MYO7A: variants seen among roughly 807,000 people sequenced by gnomAD.
MYO7A encodes myosin VIIA.
In MYO7A, 210 loss-of-function variants were observed where a neutral mutation model predicts 263.8. That is an observed-to-expected ratio of 0.80 (90% confidence interval 0.71 to 0.89). The LOEUF (loss-of-function observed/expected upper bound fraction) is 0.89. Ranked by LOEUF, MYO7A falls within the 40% of genes least tolerant of loss-of-function variation. The probability of loss-of-function intolerance (pLI) is 0.00; values close to 1 mark genes in which losing one functional copy is unlikely to be tolerated. For missense variants in MYO7A, 2,820 were observed against 2,968.3 expected (o/e 0.95, Z 1.16); for synonymous variants, 1,239 against 1,197.3 (o/e 1.03, Z -0.72).
chr11:77,172,683 G>A, intron 15 of MYO7A, 65 bp from the exon 16 acceptor site: 1 of 1,541,178 alleles, frequency 6.5e-7, no homozygotes, highest in Non-Finnish European at 8.7e-7. Flanking sequence ...TTCCTACTGG[G>A]CGGCTCCTGG....
rs1322697541 is a variant in MYO7A at position 77,196,793 on chromosome 11, G to A, written c.4324-688G>A. ...TACACATCCACCCTTACCTATGCCT[G>A]TGTCTACATTCTATAAAAACCAGGA... On this transcript the variant is annotated intron_variant, in intron 32 of 48. Coordinates refer to ENST00000409709, the MANE Select transcript of MYO7A (RefSeq NM_000260.4). Among the ~76,000 whole-genome samples, 3 of 152,130 alleles carry A rather than the reference G, an allele frequency of 2.0e-5. No individual in the cohort carries two copies. The East Asian group carries it at 5.8e-4, about 29-fold the overall frequency.
intron 44 of MYO7A, among the ~76,000 whole-genome samples, chr11:77,210,708 G>A (rs549899292): frequency 2.0e-5 from 3 of 152,248 alleles, no homozygotes; most frequent in East Asian, 1.9e-4. Context: ...GGGGGTGGGA[G>A]GGCCTCTGCT....
intron 46 of MYO7A, 160 bp from the exon 47 acceptor site, chr11:77,212,792 C>A: frequency 1.5e-6 from 1 of 658,908 alleles, no homozygotes. Flanking sequence ...ACTGAGGGCC[C>A]AGCGGAGGTG....
chr11:77,196,360 CCTT>C lies in MYO7A; in HGVS notation c.4324-1118_4324-1116del, dbSNP rs746085225. Among the ~76,000 whole-genome samples, 472 of 115,460 alleles carry C rather than the reference CCTT, an allele frequency of 4.1e-3. 2 individuals carry two copies. Among genetic ancestry groups the C allele is most frequent in the Admixed American group, 7.0e-3 (75 of 10,776 alleles). The allele number at this position is 115,460 out of a possible 152,430, so 75.7% of individuals were successfully genotyped here. A position where few individuals can be genotyped will look rare whatever the true frequency, so the allele number is the denominator to read the frequency against. ...CAGCCTGGGGGACAAGAGCAAGACT[CCTT>C]CTCAAAAAAAAAAAAAAGGAGCTTA... On this transcript the variant is annotated intron_variant, in intron 32 of 48. Coordinates refer to ENST00000409709, the MANE Select transcript of MYO7A (RefSeq NM_000260.4).
intron 44 of MYO7A, among the ~76,000 whole-genome samples, chr11:77,210,433 T>C (rs1210992624): frequency 4.6e-5 from 7 of 152,008 alleles, no homozygotes; most frequent in Admixed American, 2.6e-4. Context: ...GATGGACAGA[T>C]AGGGAGATGG....
At chr11:77,133,394 G>T (rs1432021836) in intron 2 of MYO7A, among the ~76,000 whole-genome samples, 3 of 152,208 alleles carry the variant, frequency 2.0e-5, no homozygotes, top group Non-Finnish European at 4.4e-5. Flanking sequence ...AGATTTGTGG[G>T]CAGAGGGAGG....
chr11:77,155,449 C>T (rs1001502358), intron 4 of MYO7A, among the ~76,000 whole-genome samples: 2 of 152,182 alleles, frequency 1.3e-5, no homozygotes, highest in Non-Finnish European at 2.9e-5. Context: ...TTTCTCACGC[C>T]CCTCTTCCTC....
Position 77,204,257 on chromosome 11 carries a change from G to A in MYO7A, c.5480+28G>A, listed in dbSNP as rs772773040. On this transcript the variant is annotated intron_variant, in intron 39 of 48. Coordinates refer to ENST00000409709, the MANE Select transcript of MYO7A (RefSeq NM_000260.4). ...GAGCCAGGCACAGTGGGCGGATGAG[G>A]GGCAGACCTCACCTGCTGTGACGGG... is the stretch of plus-strand genomic sequence containing the variant. The A allele has an allele frequency of 3.9e-6, 6 of 1,555,852 alleles. 1 individual carries two copies. The South Asian group carries it at 4.8e-5, about 12-fold the overall frequency.
rs1242557834 is a variant in MYO7A at position 77,206,142 on chromosome 11, C to T, written c.5682C>T (p.Ala1894=). The T allele has an allele frequency of 2.5e-6, 4 of 1,613,604 alleles. No individual in the cohort carries two copies. Among genetic ancestry groups the T allele is most frequent in the Non-Finnish European group, 3.4e-6 (4 of 1,179,764 alleles). The change falls in exon 41 of 49, where the codon GCC becomes GCT. Residue 1894 remains alanine (A), a synonymous_variant. Transcript: ENST00000409709. Reference sequence around the variant, plus strand: ...CTCCGCACCTGGTGGAGGTGGAGGCCATCCAGCACAAGACCACCCAGATTT... The same window carrying T: ...CTCCGCACCTGGTGGAGGTGGAGGCTATCCAGCACAAGACCACCCAGATTT... The part of the protein sequence containing the change: ...KYPPHLVEVE[A]IQHKTTQIFH...
intron 36 of MYO7A, among the ~76,000 whole-genome samples, chr11:77,202,054 G>T (rs537645344): frequency 8.5e-5 from 13 of 152,240 alleles, no homozygotes; most frequent in African/African-American, 2.9e-4. Context: ...CCGCTGCCTT[G>T]TCCAGGCTTT....
intron 21 of MYO7A, 113 bp from the exon 22 acceptor site, chr11:77,180,261 A>AGC: frequency 3.3e-6 from 1 of 299,700 alleles, no homozygotes; most frequent in Non-Finnish European, 5.5e-6. Context: ...CACTTGTCCT[A>AGC]TCAAAGTCAT....
intron 31 of MYO7A, among the ~76,000 whole-genome samples, chr11:77,192,867 G>GA (rs1956204876): frequency 6.6e-6 from 1 of 152,190 alleles, no homozygotes; most frequent in Non-Finnish European, 1.5e-5. Flanking sequence ...TGGTAATGAT[G>GA]ATGGTGGTGA....
intron 22 of MYO7A, among the ~76,000 whole-genome samples, 195 bp from the exon 23 acceptor site, chr11:77,181,185 G>T (rs1275623795): frequency 6.6e-6 from 1 of 152,208 alleles, no homozygotes; most frequent in Non-Finnish European, 1.5e-5. Flanking sequence ...GGACGGGCAG[G>T]ATTGTTATTT....
At chr11:77,164,475 C>T (rs1368014380) in intron 14 of MYO7A, among the ~76,000 whole-genome samples, 1 of 152,176 alleles carries the variant, frequency 6.6e-6, no homozygotes, top group African/African-American at 2.4e-5. Context: ...TTTCTTACTC[C>T]GTTGCTGAAC....
chr11:77,210,119 CAG>C (rs1158477668), intron 44 of MYO7A, among the ~76,000 whole-genome samples: 1 of 152,240 alleles, frequency 6.6e-6, no homozygotes, highest in Non-Finnish European at 1.5e-5. Context: ...TATTCTCTTA[CAG>C]CACTGTGGAC....
intron 28 of MYO7A, 119 bp downstream of exon 28, chr11:77,189,589 C>G: frequency 1.4e-6 from 2 of 1,405,276 alleles, no homozygotes; most frequent in Non-Finnish European, 9.7e-7. Context: ...CCCGGCCACT[C>G]CTTACTGAGC....
At chr11:77,196,041 C>T (rs1210765882) in intron 32 of MYO7A, among the ~76,000 whole-genome samples, 1 of 152,200 alleles carries the variant, frequency 6.6e-6, no homozygotes, top group Non-Finnish European at 1.5e-5. Context: ...GATTACAGCC[C>T]ACCCAAGATA....
In MYO7A at chr11:77,190,147, C is replaced by A. The variant is rs930330204; in HGVS notation, c.3750+8C>A. On this transcript the variant is annotated splice_region_variant and intron_variant, in intron 29 of 48. Coordinates refer to ENST00000409709, the MANE Select transcript of MYO7A (RefSeq NM_000260.4). ...AGCTGGCTGGAGCTGCAGGTTCGTG[C>A]GTGTGTATGCACGTGCTCGTGTGCA... 2 of 1,553,102 alleles carry A rather than the reference C, an allele frequency of 1.3e-6. No homozygotes were observed. Among genetic ancestry groups the A allele is most frequent in the Non-Finnish European group, 1.7e-6 (2 of 1,149,228 alleles).
intron 21 of MYO7A, 105 bp downstream of exon 21, chr11:77,180,058 C>A: frequency 8.3e-7 from 1 of 1,202,466 alleles, no homozygotes; most frequent in Non-Finnish European, 1.1e-6. Flanking sequence ...TAGGGGGGAC[C>A]TGCAGTTATG....
Sources: allele counts gnomAD v4.1 joint callset (sites outside exome capture counted in the v4.1 genomes callset), GRCh38; gene constraint gnomAD v4.1.1; transcripts MANE v1.5; gene names NCBI Gene and HGNC (gene_info 2026-07-23, HGNC 2026-07-21).